The following IL4R variants were observed in gnomAD, a reference collection of about 807,000 sequenced individuals.
The protein encoded by IL4R is interleukin-4 receptor subunit alpha.
In IL4R, 17 loss-of-function variants were observed where a neutral mutation model predicts 41.5. That is an observed-to-expected ratio of 0.41 (90% CI 0.28 to 0.61). The LOEUF is 0.61. Among genes scored for constraint, IL4R ranks in the 20% least tolerant of loss-of-function variants. The pLI is 0.31. For missense variants in IL4R, 974 were observed against 1,043.1 expected (o/e 0.93, Z 0.91); for synonymous variants, 402 against 422.9 (o/e 0.95, Z 0.61).
chr16:27,331,507 G>T (rs1250777656), intron 2 of IL4R, among the ~76,000 whole-genome samples: 1 of 152,160 alleles, frequency 6.6e-6, no homozygotes, highest in Non-Finnish European at 1.5e-5. Flanking sequence ...GGTAAACTCT[G>T]TGTGTTTAAG....
At chr16:27,326,285 C>G (rs1458158579) in intron 1 of IL4R, among the ~76,000 whole-genome samples, 2 of 152,156 alleles carry the variant, frequency 1.3e-5, no homozygotes, top group Non-Finnish European at 2.9e-5. Context: ...GAATGAATGG[C>G]CTGTTTGCAT....
At chr16:27,352,348 G>T (rs1183147626) in intron 6 of IL4R, among the ~76,000 whole-genome samples, 192 bp from the exon 7 acceptor site, 1 of 152,180 alleles carries the variant, frequency 6.6e-6, no homozygotes, top group Non-Finnish European at 1.5e-5. Context: ...TAGTCGAGGA[G>T]CCTGACGCAT....
chr16:27,341,104 G>A (rs2085426849), intron 3 of IL4R: 1 of 688,208 alleles, frequency 1.5e-6, no homozygotes, highest in Non-Finnish European at 2.7e-6. Flanking sequence ...AAAGGAAGAG[G>A]GTGGAAGCCA....
At chr16:27,361,777 C>A (rs1012823815) in intron 10 of IL4R, among the ~76,000 whole-genome samples, 1 of 151,742 alleles carries the variant, frequency 6.6e-6, no homozygotes, top group African/African-American at 2.4e-5. Context: ...GCTAATTTTC[C>A]TTTTTTTTAA....
chr16:27,363,879 C>T lies in IL4R; in HGVS notation c.*49C>T, dbSNP rs3024681. Reference sequence around the variant, plus strand: ...TCTGCAGATGAGGACTAGGGCTTATCCATGCCTGGGAAATGCCACCTCCTG... The same window carrying T: ...TCTGCAGATGAGGACTAGGGCTTATTCATGCCTGGGAAATGCCACCTCCTG... On this transcript the variant is annotated 3_prime_UTR_variant, in exon 11 of 11. Coordinates refer to ENST00000395762, the MANE Select transcript of IL4R (RefSeq NM_000418.4). The T allele has an allele frequency of 2.3e-3, 3,595 of 1,533,304 alleles. 89 individuals are homozygous for T. In the African/African-American group the frequency reaches 0.043, roughly 18 times the overall value. 95.0% of individuals were successfully genotyped at this position (1,533,304 alleles called of 1,614,324 possible). A position where few individuals can be genotyped will look rare whatever the true frequency, so the allele number is the denominator to read the frequency against.
chr16:27,322,333 C>T (rs72782398), intron 1 of IL4R, among the ~76,000 whole-genome samples: 5,028 of 152,226 alleles, frequency 0.033, 111 homozygotes, highest in Non-Finnish European at 0.052. Flanking sequence ...TGCACTACCA[C>T]GCCTAGCTGA....
Position 27,344,946 on chromosome 16 carries a change from C to G in IL4R, c.287C>G (p.Ala96Gly), listed in dbSNP as rs760218604. The G allele has an allele frequency of 1.2e-6, 2 of 1,613,956 alleles. No homozygotes were observed. Among genetic ancestry groups the G allele is most frequent in the African/African-American group, 2.7e-5 (2 of 74,930 alleles). The part of the protein sequence containing the change: ...CHLLMDDVVS[A>G]DNYTLDLWAG... ...CTGCTCATGGATGACGTGGTCAGTG[C>G]GGATAACTATACACTGGACCTGTGG... Residue 96 changes from alanine to glycine, a missense_variant, in exon 5 of 11, where the codon GCG becomes GGG. By Grantham distance (60) the Ala-to-Gly change is moderately conservative. Coordinates refer to ENST00000395762, the MANE Select transcript of IL4R (RefSeq NM_000418.4).
chr16:27,344,951 A>G lies in IL4R; in HGVS notation c.292A>G (p.Asn98Asp). 1 of 1,614,098 alleles carries G rather than the reference A, an allele frequency of 6.2e-7. No homozygotes were observed. Among genetic ancestry groups the G allele is most frequent in the East Asian group, 2.2e-5 (1 of 44,896 alleles). Residue 98 changes from asparagine to aspartate, a missense_variant, in exon 5 of 11, where the codon AAC becomes GAC. Asn to Asp is a conservative substitution (Grantham distance 23). Transcript: ENST00000395762. ...LLMDDVVSAD[N>D]YTLDLWAGQQ... ...CATGGATGACGTGGTCAGTGCGGAT[A>G]ACTATACACTGGACCTGTGGGCTGG...
intron 1 of IL4R, among the ~76,000 whole-genome samples, chr16:27,319,839 A>C (rs1479436801): frequency 6.6e-6 from 1 of 152,058 alleles, no homozygotes; most frequent in Non-Finnish European, 1.5e-5. Context: ...CCCTTTTGTG[A>C]ACTGCACATG....
chr16:27,318,909 T>C (rs1034656292), intron 1 of IL4R: 1 of 152,042 alleles, frequency 6.6e-6, no homozygotes, highest in African/African-American at 2.4e-5. Context: ...CGCTCACATA[T>C]CTCGAGTGCC....
In IL4R at chr16:27,324,801, G is replaced by A. The variant is rs76621222; in HGVS notation, c.-151-5265G>A. On this transcript the variant is annotated intron_variant, in intron 1 of 10. Transcript: ENST00000395762. ...GGACTCAAAGTGTCCACAGTGCGCC[G>A]GAGCGCGTGGTCTTCCCCAGCAAAT... is the stretch of plus-strand genomic sequence containing the variant. Among the ~76,000 whole-genome samples, 1,159 of 152,246 alleles carry A rather than the reference G, an allele frequency of 7.6e-3. 15 individuals are homozygous for A. Among genetic ancestry groups the A allele is most frequent in the African/African-American group, 0.025 (1,041 of 41,540 alleles).
rs2086193803 is a variant in IL4R, at chr16:27,359,105, A to G, written c.849+111A>G. The G allele has an allele frequency of 8.8e-6, 7 of 796,598 alleles. No homozygotes were observed. In the East Asian group the frequency reaches 1.9e-4, roughly 22 times the overall value. The allele number at this position is 796,598 out of a possible 1,614,324, so 49.3% of individuals were successfully genotyped here. A position where few individuals can be genotyped will look rare whatever the true frequency, so the allele number is the denominator to read the frequency against. The stretch of plus-strand genomic sequence containing the variant: ...CTGGCTTCTGGAATGGCAAATAGAC[A>G]GTCAGGAGGGTTGCAGGGGAGACAG... On this transcript the variant is annotated intron_variant, in intron 9 of 10. Coordinates refer to ENST00000395762, the MANE Select transcript of IL4R (RefSeq NM_000418.4).
intron 2 of IL4R, among the ~76,000 whole-genome samples, chr16:27,333,639 A>G (rs1023550320): frequency 6.6e-6 from 1 of 152,080 alleles, no homozygotes; most frequent in African/African-American, 2.4e-5. Context: ...TGTCAAGTAC[A>G]AGGTAAGTGC....
chr16:27,317,721 A>G (rs1248374385), intron 1 of IL4R, among the ~76,000 whole-genome samples: 2 of 152,180 alleles, frequency 1.3e-5, no homozygotes, highest in African/African-American at 4.8e-5. Context: ...GGAGCTGGCT[A>G]CTTCCCAGCT....
intron 9 of IL4R, among the ~76,000 whole-genome samples, chr16:27,359,242 C>G (rs937729916): frequency 1.2e-4 from 19 of 152,184 alleles, no homozygotes; most frequent in African/African-American, 4.6e-4. Context: ...TTTTTTCCCT[C>G]CCCTTGGGAG....
chr16:27,345,280 G>A lies in IL4R; in HGVS notation c.361+260G>A, dbSNP rs1320917759. 2.1e-5 allele frequency: 13 copies of A among 620,484 alleles called. No individual in the cohort carries two copies. Among genetic ancestry groups the A allele is most frequent in the South Asian group, 6.1e-5 (4 of 65,230 alleles). 38.4% of individuals were successfully genotyped at this position (620,484 alleles called of 1,614,324 possible). A position where few individuals can be genotyped will look rare whatever the true frequency, so the allele number is the denominator to read the frequency against. Reference sequence around the variant, plus strand: ...CCTGAACTTAAGTGCCCAGGAAGGCGTATTGAGATGAGGTGTGCTTGCTGG... The same window carrying A: ...CCTGAACTTAAGTGCCCAGGAAGGCATATTGAGATGAGGTGTGCTTGCTGG... On this transcript the variant is annotated intron_variant, in intron 5 of 10. Coordinates refer to ENST00000395762, the MANE Select transcript of IL4R (RefSeq NM_000418.4). The surrounding 1 kb of genome is among the most constrained non-coding windows in gnomAD (Gnocchi z 4.5).
chr16:27,328,240 A>G (rs995507983), intron 1 of IL4R, among the ~76,000 whole-genome samples: 1 of 136,936 alleles, frequency 7.3e-6, no homozygotes, highest in South Asian at 2.4e-4. Flanking sequence ...TGAATTTATT[A>G]TTGCTGAATT....
At chr16:27,328,197 C>T (rs1018860082) in intron 1 of IL4R, among the ~76,000 whole-genome samples, 24 of 70,454 alleles carry the variant, frequency 3.4e-4, no homozygotes, top group Non-Finnish European at 5.7e-4. Context: ...CAAAGCTAGG[C>T]TCCATCTCAA....
chr16:27,363,117 G>C lies in IL4R; in HGVS notation c.1765G>C (p.Ala589Pro). Residue 589 changes from alanine to proline, a missense_variant, in exon 11 of 11, where the codon GCC becomes CCC. Around this residue, in one of 3 missense-constraint regions of IL4R, gnomAD observed 682 missense variants for 704.3 expected, o/e 0.97. Transcript: ENST00000395762. The stretch of plus-strand genomic sequence containing the variant: ...TGCGGTGGAGCAGGGTGGCACCCAG[G>C]CCAGTGCGGTGGTGGGCTTGGGTCC... Reference protein sequence around the residue: ...VHAVEQGGTQASAVVGLGPPG... With the variant: ...VHAVEQGGTQPSAVVGLGPPG... The C allele has an allele frequency of 6.2e-7, 1 of 1,614,060 alleles. No homozygotes were observed. The highest frequency in any genetic ancestry group is 1.1e-5 in the South Asian group (1 of 91,076).
Sources: allele counts gnomAD v4.1 joint callset (sites outside exome capture counted in the v4.1 genomes callset), GRCh38; gene constraint gnomAD v4.1.1; regional missense constraint gnomAD v4.1.1; non-coding constraint Gnocchi (gnomAD v3.1); transcripts MANE v1.5; gene names NCBI Gene and HGNC (gene_info 2026-07-23, HGNC 2026-07-21).